The following PRKN variants were observed in gnomAD, a reference collection of about 807,000 sequenced individuals.
PRKN encodes parkin RBR E3 ubiquitin protein ligase, also known as E3 ubiquitin-protein ligase parkin.
Under a neutral mutation model 59.5 loss-of-function variants are expected in PRKN, and 56 were observed. The ratio of observed to expected loss-of-function variants is 0.94; its 90% confidence interval spans 0.76 to 1.18. The LOEUF (loss-of-function observed/expected upper bound fraction) is 1.18. PRKN is among the 50% of genes most tolerant of loss of function. The probability of loss-of-function intolerance (pLI) is 0.00; values close to 1 mark genes in which losing one functional copy is unlikely to be tolerated. For synonymous variants in PRKN, 250 were observed against 222.1 expected (o/e 1.13, Z -1.12); for missense variants, 657 against 596.4 (o/e 1.10, Z -1.06).
intron 6 of PRKN, among the ~76,000 whole-genome samples, chr6:161,891,616 A>G (rs1401715922): frequency 6.6e-6 from 1 of 152,118 alleles, no homozygotes; most frequent in Non-Finnish European, 1.5e-5. Flanking sequence ...TCTACACCCT[A>G]AACATTCCTC....
chr6:162,344,240 T>C (rs1784305210), intron 2 of PRKN, among the ~76,000 whole-genome samples: 1 of 152,190 alleles, frequency 6.6e-6, no homozygotes, highest in African/African-American at 2.4e-5. Flanking sequence ...ATTAGATACA[T>C]GTCACATTCG....
chr6:161,382,303 G>C (rs1157204149), intron 10 of PRKN, among the ~76,000 whole-genome samples: 1 of 152,022 alleles, frequency 6.6e-6, no homozygotes, highest in African/African-American at 2.4e-5. Flanking sequence ...AACATGATCT[G>C]GGCCTAGAAT....
intron 9 of PRKN, among the ~76,000 whole-genome samples, chr6:161,432,755 C>A (rs2115056961): frequency 6.6e-6 from 1 of 152,062 alleles, no homozygotes; most frequent in South Asian, 2.1e-4. Flanking sequence ...AATGACTCAG[C>A]AACTTCCATT....
intron 4 of PRKN, among the ~76,000 whole-genome samples, chr6:162,123,754 G>A (rs1781013850): frequency 6.6e-6 from 1 of 152,166 alleles, no homozygotes; most frequent in South Asian, 2.1e-4. Flanking sequence ...AGCAGTATAT[G>A]TTCTGAAAAG....
At chr6:161,957,389 A>G (rs78768123) in intron 6 of PRKN, among the ~76,000 whole-genome samples, 4,172 of 142,950 alleles carry the variant, frequency 0.029, 205 homozygotes, top group African/African-American at 0.1. Flanking sequence ...GTCTGTTTTT[A>G]TTTTTTTGTT....
rs983196718 is a variant in PRKN at position 161,550,664 on chromosome 6, G to A, written c.934-1661C>T. Among the ~76,000 whole-genome samples the A allele has an allele frequency of 2.6e-5, 4 of 150,956 alleles. No homozygotes were observed. Among genetic ancestry groups the A allele is most frequent in the Admixed American group, 6.6e-5 (1 of 15,192 alleles). ...AACTGTGAGTGGAGTGTAGTTCCCCGTTTCCTGAGAAGACAGGAGGCGGGT... is the reference window on the plus strand; with the variant it reads ...AACTGTGAGTGGAGTGTAGTTCCCCATTTCCTGAGAAGACAGGAGGCGGGT... On this transcript the variant is annotated intron_variant, in intron 8 of 11. Transcript: ENST00000366898. This position sits in a 1 kb window ranked among gnomAD's most constrained non-coding sequence, Gnocchi z 4.0.
intron 5 of PRKN, among the ~76,000 whole-genome samples, chr6:162,026,054 T>C (rs530322299): frequency 1.3e-5 from 2 of 152,296 alleles, no homozygotes; most frequent in African/African-American, 4.8e-5. Context: ...CAAATGAAAT[T>C]ACTTGTCAGC....
chr6:162,614,844 T>C (rs1782338910), intron 1 of PRKN, among the ~76,000 whole-genome samples: 1 of 152,212 alleles, frequency 6.6e-6, no homozygotes, highest in Admixed American at 6.5e-5. Context: ...GTTTTGCTAC[T>C]GTTTATATTT....
At chr6:162,143,398 G>A (rs796668097) in intron 4 of PRKN, among the ~76,000 whole-genome samples, 50 of 152,222 alleles carry the variant, frequency 3.3e-4, no homozygotes, top group African/African-American at 9.6e-4. Context: ...GGACCAAGAG[G>A]TGACCTTGGG....
chr6:161,645,282 G>A (rs1783884010), intron 7 of PRKN, among the ~76,000 whole-genome samples: 1 of 151,010 alleles, frequency 6.6e-6, no homozygotes, highest in Non-Finnish European at 1.5e-5. Context: ...CATACTAACC[G>A]ATATTTGGGG....
intron 2 of PRKN, among the ~76,000 whole-genome samples, chr6:162,276,851 A>G (rs1780658332): frequency 6.6e-6 from 1 of 152,124 alleles, no homozygotes; most frequent in Non-Finnish European, 1.5e-5. Context: ...ACCATACAGT[A>G]ACCTCACGTG....
At chr6:162,090,152 G>A (rs979267299) in intron 4 of PRKN, among the ~76,000 whole-genome samples, 7 of 151,424 alleles carry the variant, frequency 4.6e-5, no homozygotes, top group African/African-American at 1.4e-4. Context: ...GTGTGTGTGT[G>A]TGTGTCTGTG....
At chr6:162,609,097 A>T (rs1372490396) in intron 1 of PRKN, among the ~76,000 whole-genome samples, 1 of 152,216 alleles carries the variant, frequency 6.6e-6, no homozygotes, top group African/African-American at 2.4e-5. Context: ...TAGAAGAGAA[A>T]AAGAAGCTAG....
intron 6 of PRKN, among the ~76,000 whole-genome samples, chr6:161,832,350 G>T (rs569945720): frequency 1.2e-4 from 18 of 152,220 alleles, no homozygotes; most frequent in East Asian, 7.8e-4. Flanking sequence ...TCGGCCGGGT[G>T]GGGTGGCTCT....
rs1784600054 is a variant in PRKN at position 161,352,751 on chromosome 6, GTGTGTA to G, written c.1286-2546_1286-2541del. Among the ~76,000 whole-genome samples, 3 of 132,760 alleles carry G rather than the reference GTGTGTA, an allele frequency of 2.3e-5. No individual in the cohort carries two copies. The highest frequency in any genetic ancestry group is 2.4e-4 in the South Asian group (1 of 4,108). 87.1% of individuals were successfully genotyped at this position (132,760 alleles called of 152,430 possible). A position where few individuals can be genotyped will look rare whatever the true frequency, so the allele number is the denominator to read the frequency against. On this transcript the variant is annotated intron_variant, in intron 11 of 11. Coordinates refer to ENST00000366898, the MANE Select transcript of PRKN (RefSeq NM_004562.3). This position sits in a 1 kb window ranked among gnomAD's most constrained non-coding sequence, Gnocchi z 5.8. ...AGTGTGTGTGTGTGTGTGTGTGTGT[GTGTGTA>G]TATATATATATATATTTTATTTTAT...
At chr6:161,684,041 T>C (rs1785467347) in intron 7 of PRKN, among the ~76,000 whole-genome samples, 1 of 152,204 alleles carries the variant, frequency 6.6e-6, no homozygotes, top group African/African-American at 2.4e-5. Flanking sequence ...AATGTAAAGA[T>C]GTGAATATAT....
At chr6:162,488,454 G>A (rs1368717934) in intron 1 of PRKN, among the ~76,000 whole-genome samples, 1 of 152,108 alleles carries the variant, frequency 6.6e-6, no homozygotes, top group Non-Finnish European at 1.5e-5. Flanking sequence ...GGTGTGGGTC[G>A]CCTCCAGCTG....
At chr6:162,183,334 C>G (rs1014528537) in intron 4 of PRKN, among the ~76,000 whole-genome samples, 5 of 152,206 alleles carry the variant, frequency 3.3e-5, no homozygotes, top group African/African-American at 1.2e-4. Flanking sequence ...ATCTGAGAGA[C>G]AGCTGCTACT....
At position 161,879,341 on chromosome 6, in the gene PRKN, C is replaced by CTTTTTTTTT. The variant is rs72163881; in HGVS notation, c.735-93442_735-93434dup. On this transcript the variant is annotated intron_variant, in intron 6 of 11. Transcript: ENST00000366898. ...TGTATGGTCATTATGACATTTCTGC[C>CTTTTTTTTT]TTTTTTTTTTTTTTTTTTTTGAGAT... is the stretch of plus-strand genomic sequence containing the variant. 1.8e-5 allele frequency among the ~76,000 whole-genome samples: 2 copies of CTTTTTTTTT among 112,228 alleles called. 1 individual carries two copies. 73.6% of individuals were successfully genotyped at this position (112,228 alleles called of 152,430 possible). A position where few individuals can be genotyped will look rare whatever the true frequency, so the allele number is the denominator to read the frequency against.
Sources: allele counts gnomAD v4.1 joint callset (sites outside exome capture counted in the v4.1 genomes callset), GRCh38; gene constraint gnomAD v4.1.1; non-coding constraint Gnocchi (gnomAD v3.1); transcripts MANE v1.5; gene names NCBI Gene and HGNC (gene_info 2026-07-23, HGNC 2026-07-21).